The following ZCCHC2 variants were observed in gnomAD, a reference collection of about 807,000 sequenced individuals.
ZCCHC2 encodes zinc finger CCHC-type containing 2, also known as zinc finger CCHC domain-containing protein 2.
In ZCCHC2, 39 loss-of-function variants were observed where a neutral mutation model predicts 103.6. The ratio of observed to expected loss-of-function variants is 0.38; its 90% CI spans 0.29 to 0.49. ZCCHC2 has a LOEUF of 0.49. Ranked by LOEUF, ZCCHC2 falls within the 20% of genes least tolerant of loss-of-function variation. ZCCHC2 has a pLI of 0.96. For missense variants in ZCCHC2, 1,483 were observed against 1,491.0 expected (o/e 0.99, Z 0.09); for synonymous variants, 687 against 608.9 (o/e 1.13, Z -1.89).
At chr18:62,550,526 G>A (rs1176216413) in intron 5 of ZCCHC2, 66 bp downstream of exon 5, 6 of 1,140,606 alleles carry the variant, frequency 5.3e-6, no homozygotes, top group African/African-American at 1.6e-5. Context: ...TCCAAATGGG[G>A]TCTTCAGGTG....
intron 6 of ZCCHC2, among the ~76,000 whole-genome samples, chr18:62,557,952 C>T (rs1050517006): frequency 6.6e-6 from 1 of 151,392 alleles, no homozygotes; most frequent in African/African-American, 2.4e-5. Flanking sequence ...GCCTAACGTT[C>T]TTACATATCT....
At chr18:62,536,844 GT>G (rs1464145732) in intron 1 of ZCCHC2, among the ~76,000 whole-genome samples, 1 of 152,144 alleles carries the variant, frequency 6.6e-6, no homozygotes, top group Non-Finnish European at 1.5e-5. Flanking sequence ...TAAACAGGAG[GT>G]TACTTGGTTA....
downstream of ZCCHC2, among the ~76,000 whole-genome samples, chr18:62,580,359 G>A (rs968796172): frequency 1.3e-5 from 2 of 152,226 alleles, no homozygotes; most frequent in African/African-American, 2.4e-5. Flanking sequence ...CCTCTAGGGC[G>A]GCAAGCTGGG....
chr18:62,561,809 T>C (rs1173962607), intron 8 of ZCCHC2, among the ~76,000 whole-genome samples: 1 of 152,214 alleles, frequency 6.6e-6, no homozygotes, highest in Non-Finnish European at 1.5e-5. Context: ...TGTTGTTGTC[T>C]GGTTTTCAGC....
chr18:62,542,736 GT>G (rs1181697422), intron 3 of ZCCHC2, among the ~76,000 whole-genome samples, 162 bp downstream of exon 3: 1 of 152,110 alleles, frequency 6.6e-6, no homozygotes, highest in African/African-American at 2.4e-5. Flanking sequence ...GGTTTGCCAA[GT>G]TTTTTTGAAG....
chr18:62,582,261 C>A (rs1046693676), downstream of ZCCHC2, among the ~76,000 whole-genome samples: 10 of 152,044 alleles, frequency 6.6e-5, no homozygotes, highest in African/African-American at 2.4e-4. Context: ...CCAGGAGGGC[C>A]GAGACTAAGG....
intron 2 of ZCCHC2, 123 bp downstream of exon 2, chr18:62,539,915 T>C: frequency 2.7e-6 from 2 of 748,146 alleles, no homozygotes. Context: ...CTACTGGTCC[T>C]AGGCTTCACT....
intron 14 of ZCCHC2, among the ~76,000 whole-genome samples, chr18:62,584,272 G>A (rs1472691040): frequency 6.6e-6 from 1 of 152,144 alleles, no homozygotes; most frequent in Non-Finnish European, 1.5e-5. Context: ...CATCACACGT[G>A]TGGGGACCGG....
In ZCCHC2 at chr18:62,578,322, C is replaced by G. The variant is rs1916940392; in HGVS notation, c.*1743C>G. On this transcript the variant is annotated 3_prime_UTR_variant, in exon 14 of 14. Transcript: ENST00000269499. ...ATTGTTAAGCTGCAGTTGAGTTGTT[C>G]AAGTGAGAGTTTTGATAAGCCACTT... is the stretch of plus-strand genomic sequence containing the variant. The G allele has an allele frequency of 6.6e-6, 1 of 152,562 alleles. No homozygotes were observed. The highest frequency in any genetic ancestry group is 2.1e-4 in the South Asian group (1 of 4,828). The allele number at this position is 152,562 out of a possible 1,614,324, so 9.5% of individuals were successfully genotyped here.
chr18:62,563,126 T>C lies in ZCCHC2; in HGVS notation c.1668T>C (p.Cys556=). 3 of 1,613,550 alleles carry C rather than the reference T, an allele frequency of 1.9e-6. No individual in the cohort carries two copies. The highest frequency in any genetic ancestry group is 2.5e-6 in the Non-Finnish European group (3 of 1,179,536). The change falls in exon 9 of 14, where the codon TGT becomes TGC. Residue 556 remains cysteine, a synonymous_variant. Coordinates refer to ENST00000269499, the MANE Select transcript of ZCCHC2 (RefSeq NM_017742.6). The stretch of plus-strand genomic sequence containing the variant: ...CCACCATTCAACACCCAGAGCACTG[T>C]GTGACCTCGGCTGACCAGGTGTGTG... ...SCTTIQHPEH[C]VTSADQHSAE... is the part of the protein sequence containing the mutation.
chr18:62,552,658 C>A (rs554295267), intron 5 of ZCCHC2, among the ~76,000 whole-genome samples: 2 of 151,992 alleles, frequency 1.3e-5, no homozygotes, highest in Non-Finnish European at 2.9e-5. Context: ...CAGCCCTTTG[C>A]GAGGCCAAGA....
chr18:62,559,816 C>T (rs1478804427), intron 7 of ZCCHC2, among the ~76,000 whole-genome samples: 1 of 152,196 alleles, frequency 6.6e-6, no homozygotes, highest in Non-Finnish European at 1.5e-5. Context: ...TCCATCTCTG[C>T]ATTGGTGGGT....
intron 2 of ZCCHC2, among the ~76,000 whole-genome samples, chr18:62,541,946 C>T (rs949427570): frequency 1.3e-5 from 2 of 151,776 alleles, no homozygotes; most frequent in African/African-American, 2.4e-5. Flanking sequence ...TTATAATGTT[C>T]AGTTTATATT....
chr18:62,554,809 C>G (rs1359226218), intron 5 of ZCCHC2, among the ~76,000 whole-genome samples: 1 of 152,158 alleles, frequency 6.6e-6, no homozygotes, highest in Non-Finnish European at 1.5e-5. Flanking sequence ...GAATTCAGAT[C>G]TCAGTTCTTT....
At chr18:62,526,081 T>G (rs948842984) in intron 1 of ZCCHC2, 1 of 152,248 alleles carries the variant, frequency 6.6e-6, no homozygotes, top group African/African-American at 2.4e-5. Flanking sequence ...CTTTTTTTCT[T>G]TCCCTTTTCT....
At chr18:62,526,772 C>A (rs1302737248) in intron 1 of ZCCHC2, 3 of 152,064 alleles carry the variant, frequency 2.0e-5, no homozygotes, top group African/African-American at 7.2e-5. Flanking sequence ...GATATAGGGT[C>A]CGTGGCGCGG....
chr18:62,563,842 G>A (rs888384597), intron 9 of ZCCHC2, among the ~76,000 whole-genome samples: 1 of 152,150 alleles, frequency 6.6e-6, no homozygotes, highest in African/African-American at 2.4e-5. Flanking sequence ...GAATATTTGG[G>A]TCAGTTTATT....
downstream of ZCCHC2, among the ~76,000 whole-genome samples, chr18:62,582,540 A>G (rs998173650): frequency 6.6e-6 from 1 of 152,138 alleles, no homozygotes; most frequent in African/African-American, 2.4e-5. Flanking sequence ...TTAGCCGGGC[A>G]TGGTGGTGTG....
intron 6 of ZCCHC2, 108 bp from the exon 7 acceptor site, chr18:62,558,579 C>G: frequency 1.6e-6 from 1 of 613,392 alleles, no homozygotes; most frequent in South Asian, 2.5e-5. Flanking sequence ...ATGTTTTCTT[C>G]ACCACTCACC....
Sources: allele counts gnomAD v4.1 joint callset (sites outside exome capture counted in the v4.1 genomes callset), GRCh38; gene constraint gnomAD v4.1.1; transcripts MANE v1.5; gene names NCBI Gene and HGNC (gene_info 2026-07-23, HGNC 2026-07-21).